Variants in ATP8A1 observed in about 807,000 individuals in gnomAD.
ATP8A1 encodes the protein ATPase phospholipid transporting 8A1.
A neutral mutation model predicts 177.7 loss-of-function variants in ATP8A1; 90 were observed. The ratio of observed to expected loss-of-function variants is 0.51; its 90% confidence interval spans 0.43 to 0.60. The LOEUF is 0.60. ATP8A1 is among the 20% of genes least tolerant of loss of function. ATP8A1 has a pLI of 0.00. For missense variants in ATP8A1, 1,072 were observed against 1,392.8 expected (o/e 0.77, Z 3.67); for synonymous variants, 493 against 485.9 (o/e 1.01, Z -0.19).
At chr4:42,574,311 C>A (rs1366888026) in intron 14 of ATP8A1, among the ~76,000 whole-genome samples, 1 of 152,114 alleles carries the variant, frequency 6.6e-6, no homozygotes. Flanking sequence ...AAGCTATACT[C>A]CAGTTTATAG....
chr4:42,501,601 G>C (rs1177306635), intron 24 of ATP8A1, among the ~76,000 whole-genome samples: 1 of 152,138 alleles, frequency 6.6e-6, no homozygotes, highest in Non-Finnish European at 1.5e-5. Flanking sequence ...ATTCACTACT[G>C]ATCAGTACAA....
At chr4:42,651,259 C>T (rs1299898777) in intron 1 of ATP8A1, among the ~76,000 whole-genome samples, 2 of 152,112 alleles carry the variant, frequency 1.3e-5, no homozygotes, top group African/African-American at 4.8e-5. Flanking sequence ...TGAAAACAGA[C>T]TAATACAGTA....
intron 1 of ATP8A1, among the ~76,000 whole-genome samples, chr4:42,655,963 G>A (rs981889779): frequency 6.6e-6 from 1 of 152,198 alleles, no homozygotes; most frequent in African/African-American, 2.4e-5. Flanking sequence ...TATGGGAGAG[G>A]ACAAACAAAC....
intron 7 of ATP8A1, chr4:42,588,567 G>T: frequency 2.4e-6 from 1 of 413,580 alleles, no homozygotes; most frequent in Non-Finnish European, 4.4e-6. Context: ...ACAACAATCA[G>T]TAATGGTCTT....
chr4:42,537,117 A>C (rs1727909983), intron 20 of ATP8A1, among the ~76,000 whole-genome samples: 2 of 149,838 alleles, frequency 1.3e-5, no homozygotes, highest in Non-Finnish European at 3.0e-5. Flanking sequence ...GGGCAAAAAG[A>C]GCGAAACTCC....
chr4:42,421,369 G>C (rs1713906655), intron 35 of ATP8A1, among the ~76,000 whole-genome samples: 1 of 152,148 alleles, frequency 6.6e-6, no homozygotes, highest in Admixed American at 6.5e-5. Flanking sequence ...AATTGTGAAT[G>C]GTTCAGAGCA....
intron 1 of ATP8A1, among the ~76,000 whole-genome samples, chr4:42,654,642 G>A (rs1741445051): frequency 6.6e-6 from 1 of 152,082 alleles, no homozygotes; most frequent in African/African-American, 2.4e-5. Flanking sequence ...ATTCACCTCT[G>A]CTCCCTTCTG....
At chr4:42,534,926 A>G (rs535889993) in intron 20 of ATP8A1, among the ~76,000 whole-genome samples, 1 of 152,166 alleles carries the variant, frequency 6.6e-6, no homozygotes, top group Non-Finnish European at 1.5e-5. Context: ...TAAATGAAGG[A>G]AAGATACAGT....
At chr4:42,605,977 G>A (rs1735758011) in intron 5 of ATP8A1, among the ~76,000 whole-genome samples, 1 of 152,156 alleles carries the variant, frequency 6.6e-6, no homozygotes. Context: ...TCACAGTAAG[G>A]AGTACTAACT....
intron 29 of ATP8A1, among the ~76,000 whole-genome samples, chr4:42,454,899 C>T (rs1718314982): frequency 6.6e-6 from 1 of 152,162 alleles, no homozygotes; most frequent in African/African-American, 2.4e-5. Flanking sequence ...ACCTCTCTCA[C>T]TCCTTTACAC....
At chr4:42,459,571 T>C (rs1718863441) in intron 27 of ATP8A1, 1 of 301,480 alleles carries the variant, frequency 3.3e-6, no homozygotes, top group African/African-American at 2.2e-5. Context: ...AAGCTAGATA[T>C]ATAGAAGGGA....
chr4:42,430,607 T>C (rs1235651943), intron 33 of ATP8A1, among the ~76,000 whole-genome samples: 1 of 152,106 alleles, frequency 6.6e-6, no homozygotes, highest in East Asian at 1.9e-4. Flanking sequence ...TTAGATATTT[T>C]CCCTGATCCT....
intron 15 of ATP8A1, chr4:42,561,373 A>C (rs776090947): frequency 6.6e-6 from 1 of 152,210 alleles, no homozygotes; most frequent in Non-Finnish European, 1.5e-5. Flanking sequence ...GGACATGCCA[A>C]TGGCTCAAAG....
chr4:42,474,819 G>C (rs1267414970), intron 25 of ATP8A1, among the ~76,000 whole-genome samples: 2 of 151,954 alleles, frequency 1.3e-5, no homozygotes, highest in Non-Finnish European at 2.9e-5. Flanking sequence ...AGAAACAATA[G>C]GGGAAAGGGT....
At chr4:42,527,764 G>T (rs1326003125) in intron 20 of ATP8A1, among the ~76,000 whole-genome samples, 1 of 142,034 alleles carries the variant, frequency 7.0e-6, no homozygotes, top group East Asian at 1.9e-4. Flanking sequence ...ATGGATAAAA[G>T]ACTAATTTTG....
intron 24 of ATP8A1, among the ~76,000 whole-genome samples, 155 bp from the exon 25 acceptor site, chr4:42,485,823 A>G (rs1400591532): frequency 1.3e-5 from 2 of 152,176 alleles, no homozygotes; most frequent in Non-Finnish European, 2.9e-5. Flanking sequence ...GATTCTTACT[A>G]GCCCCTCAGG....
intron 18 of ATP8A1, among the ~76,000 whole-genome samples, 195 bp from the exon 19 acceptor site, chr4:42,549,257 A>G (rs1232721015): frequency 6.6e-6 from 1 of 152,192 alleles, no homozygotes; most frequent in Non-Finnish European, 1.5e-5. Flanking sequence ...ACAGGAGAAA[A>G]CCAAAAGGAA....
chr4:42,545,159 CA>C (rs150594728), intron 19 of ATP8A1, among the ~76,000 whole-genome samples: 31,801 of 83,710 alleles, frequency 0.38, 3,801 homozygotes, highest in African/African-American at 0.51. Context: ...GACTCCGTCT[CA>C]AAAAAAAAAA....
chr4:42,604,935 A>T (rs1391591238), intron 5 of ATP8A1, among the ~76,000 whole-genome samples: 1 of 152,236 alleles, frequency 6.6e-6, no homozygotes, highest in Non-Finnish European at 1.5e-5. Context: ...CACGTATTGT[A>T]TGATCCCATG....
Sources: gnomAD v4.1 joint callset for allele counts (sites outside exome capture counted in the v4.1 genomes callset) on GRCh38, gnomAD v4.1.1 for gene constraint, MANE v1.5 for transcripts, NCBI Gene and HGNC (gene_info 2026-07-23, HGNC 2026-07-21) for gene names.